ZNF45: variants seen among roughly 807,000 people sequenced by gnomAD.
ZNF45 encodes the protein zinc finger protein 45.
Under a neutral mutation model 12.0 loss-of-function variants are expected in ZNF45, and 4 were observed. That is an observed-to-expected ratio of 0.33 (90% CI 0.16 to 0.76). ZNF45 has a LOEUF of 0.76. Among genes scored for constraint, ZNF45 ranks in the 30% least tolerant of loss-of-function variants. ZNF45 has a pLI of 0.60. For missense variants in ZNF45, 700 were observed against 813.0 expected, an observed-to-expected ratio of 0.86 and a Z score of 1.69; for synonymous variants, 272 against 279.6, an observed-to-expected ratio of 0.97 and a Z score of 0.27.
At chr19:43,932,059 G>A (rs1568464871) in intron 3 of ZNF45, among the ~76,000 whole-genome samples, 1 of 152,226 alleles carries the variant, frequency 6.6e-6, no homozygotes, top group Non-Finnish European at 1.5e-5. Flanking sequence ...AACCTGGCCA[G>A]GCATGGTGGC....
At chr19:43,924,694 T>G (rs1973522377) in intron 4 of ZNF45, 133 bp from the exon 5 acceptor site, 1 of 151,616 alleles carries the variant, frequency 6.6e-6, no homozygotes, top group African/African-American at 2.4e-5. Flanking sequence ...CTTGAGGGAG[T>G]AGAGAACAGA....
At chr19:43,933,966 C>T (rs1974331469) in intron 2 of ZNF45, among the ~76,000 whole-genome samples, 1 of 152,176 alleles carries the variant, frequency 6.6e-6, no homozygotes, top group Admixed American at 6.5e-5. Flanking sequence ...TCCAACCTCC[C>T]TCCCCAACTT....
At chr19:43,924,021 G>C (rs1973463480) in intron 6 of ZNF45, among the ~76,000 whole-genome samples, 1 of 150,532 alleles carries the variant, frequency 6.6e-6, no homozygotes, top group African/African-American at 2.4e-5. Context: ...TTAACAGTAG[G>C]GCCTTAAAAA....
intron 9 of ZNF45, 111 bp downstream of exon 9, chr19:43,918,759 G>T (rs1972888886): frequency 1.3e-6 from 1 of 788,328 alleles, no homozygotes; most frequent in Non-Finnish European, 2.1e-6. Flanking sequence ...TATTCATCAG[G>T]GGGAAAAAAA....
Position 43,915,096 on chromosome 19 carries a change from C to T in ZNF45, c.340G>A (p.Glu114Lys). 3 of 1,608,756 alleles carry T rather than the reference C, an allele frequency of 1.9e-6. No homozygotes were observed. Among genetic ancestry groups the T allele is most frequent in the Non-Finnish European group, 2.5e-6 (3 of 1,177,822 alleles). ...CSQIWQQITR[E>K]LIKYQDSVVN... Reference sequence around the variant, plus strand: ...ACAGAATCTTGATACTTGATTAACTCTCTTGTAATCTGTTGCCAGATCTGG... The same window carrying T: ...ACAGAATCTTGATACTTGATTAACTTTCTTGTAATCTGTTGCCAGATCTGG... The change falls in exon 10 of 10, where the codon GAG becomes AAG. Residue 114 changes from glutamate to lysine, a missense_variant. Glu to Lys is a moderately conservative substitution (Grantham distance 56, BLOSUM62 1). Coordinates refer to ENST00000269973, the MANE Select transcript of ZNF45 (RefSeq NM_003425.4).
intron 6 of ZNF45, among the ~76,000 whole-genome samples, chr19:43,923,381 A>G (rs987264960): frequency 6.6e-6 from 1 of 152,078 alleles, no homozygotes; most frequent in Non-Finnish European, 1.5e-5. Context: ...TGTTTATAGA[A>G]CTTTTGTTAC....
At chr19:43,929,333 C>T (rs1437523545) in intron 3 of ZNF45, among the ~76,000 whole-genome samples, 4 of 152,256 alleles carry the variant, frequency 2.6e-5, no homozygotes. Flanking sequence ...CCCTGCCCGC[C>T]TAGTTCCTCG....
intron 3 of ZNF45, among the ~76,000 whole-genome samples, chr19:43,925,769 C>T (rs895312978): frequency 7.2e-5 from 11 of 152,086 alleles, no homozygotes; most frequent in Admixed American, 2.0e-4. Context: ...TATGGGCACC[C>T]GCCACCATTC....
At chr19:43,920,603 T>TG in intron 7 of ZNF45, among the ~76,000 whole-genome samples, 1 of 144,040 alleles carries the variant, frequency 6.9e-6, no homozygotes, top group East Asian at 2.1e-4. Context: ...GTATTGGTTT[T>TG]TTTTTTTTTT....
intron 6 of ZNF45, among the ~76,000 whole-genome samples, chr19:43,923,550 G>A (rs1166472236): frequency 6.6e-6 from 1 of 152,108 alleles, no homozygotes; most frequent in African/African-American, 2.4e-5. Flanking sequence ...TTCACTGGGG[G>A]ACTTGGAAGG....
intron 2 of ZNF45, among the ~76,000 whole-genome samples, chr19:43,933,535 T>G (rs1203118803): frequency 6.6e-6 from 1 of 152,114 alleles, no homozygotes; most frequent in East Asian, 1.9e-4. Flanking sequence ...GGGTTTGTTT[T>G]AAAATACTCA....
intron 6 of ZNF45, among the ~76,000 whole-genome samples, chr19:43,922,598 A>G (rs1973286554): frequency 6.6e-6 from 1 of 152,116 alleles, no homozygotes; most frequent in Non-Finnish European, 1.5e-5. Flanking sequence ...TTTATTCGCT[A>G]TGAAATCCAG....
At chr19:43,923,026 A>G (rs1973339425) in intron 6 of ZNF45, among the ~76,000 whole-genome samples, 1 of 151,472 alleles carries the variant, frequency 6.6e-6, no homozygotes, top group Admixed American at 6.6e-5. Context: ...AGGTCATGCT[A>G]TGTTGCCCGA....
At chr19:43,919,178 C>T (rs1195508958) in intron 8 of ZNF45, among the ~76,000 whole-genome samples, 1 of 152,082 alleles carries the variant, frequency 6.6e-6, no homozygotes, top group Non-Finnish European at 1.5e-5. Flanking sequence ...TCATCATACC[C>T]CCTCCATTGT....
chr19:43,922,409 G>GT (rs950117838), intron 6 of ZNF45, 192 bp from the exon 7 acceptor site: 13 of 495,034 alleles, frequency 2.6e-5, no homozygotes, highest in Non-Finnish European at 4.7e-5. Flanking sequence ...CCCTTTGGCT[G>GT]TAAGACCCTG....
At chr19:43,921,554 C>A (rs1973183887) in intron 7 of ZNF45, among the ~76,000 whole-genome samples, 1 of 152,074 alleles carries the variant, frequency 6.6e-6, no homozygotes, top group African/African-American at 2.4e-5. Flanking sequence ...TAGGAACTAC[C>A]CAAAGTACCA....
chr19:43,928,992 A>G (rs1352188284), intron 3 of ZNF45, among the ~76,000 whole-genome samples: 2 of 152,256 alleles, frequency 1.3e-5, no homozygotes, highest in Non-Finnish European at 2.9e-5. Context: ...GATTGAGAAA[A>G]TAATTATGCC....
rs1333159737 is a variant in ZNF45, at chr19:43,914,007, A to G, written c.1429T>C (p.Cys477Arg). ...TGEKPYKCGT[C>R]GKGFSRSSDL... ...GAGCTCCGACTGAAGCCCTTCCCAC[A>G]TGTACCACATTTGTAGGGTTTCTCT... The change falls in exon 10 of 10, where the codon TGT (cysteine) becomes CGT (arginine). Residue 477 changes from cysteine (C) to arginine (R), a missense_variant. Coordinates refer to ENST00000269973, the MANE Select transcript of ZNF45 (RefSeq NM_003425.4). 2 of 1,613,928 alleles carry G rather than the reference A, an allele frequency of 1.2e-6. No individual in the cohort carries two copies. The highest frequency in any genetic ancestry group is 1.7e-5 in the Admixed American group (1 of 59,998).
chr19:43,913,644 A>G lies in ZNF45; in HGVS notation c.1792T>C (p.Tyr598His). The G allele has an allele frequency of 1.2e-6, 2 of 1,612,434 alleles. No individual in the cohort carries two copies. Among genetic ancestry groups the G allele is most frequent in the East Asian group, 4.5e-5 (2 of 44,746 alleles). Residue 598 changes from tyrosine (Y) to histidine (H), a missense_variant, in exon 10 of 10, where the codon TAC becomes CAC. By Grantham distance (83) the Tyr-to-His change is moderately conservative. Coordinates refer to ENST00000269973, the MANE Select transcript of ZNF45 (RefSeq NM_003425.4). ...TGGACCCTCTGGTGGGCTTGAAGGT[A>G]GGATCTCTGTCTGAAGCGCTTACCA... ...VCGKRFRQRS[Y>H]LQAHQRVHTG...
Sources: gnomAD v4.1 joint callset for allele counts (sites outside exome capture counted in the v4.1 genomes callset) on GRCh38, gnomAD v4.1.1 for gene constraint, MANE v1.5 for transcripts, NCBI Gene and HGNC (gene_info 2026-07-23, HGNC 2026-07-21) for gene names.